The following ZPLD1 variants were observed in gnomAD, a reference collection of about 807,000 sequenced individuals.
The protein encoded by ZPLD1 is zona pellucida-like domain-containing protein 1.
A neutral mutation model predicts 47.2 loss-of-function variants in ZPLD1; 34 were observed. The ratio of observed to expected loss-of-function variants is 0.72; its 90% confidence interval spans 0.55 to 0.96. ZPLD1 has a LOEUF of 0.96. ZPLD1 is among the 40% of genes least tolerant of loss of function. The probability of loss-of-function intolerance (pLI) is 0.00; values close to 1 mark genes in which losing one functional copy is unlikely to be tolerated. For missense variants in ZPLD1, 512 were observed against 505.8 expected (o/e 1.01, Z -0.12); for synonymous variants, 176 against 186.2 (o/e 0.95, Z 0.45).
At chr3:102,471,983 T>C (rs889459645) in intron 10 of ZPLD1, among the ~76,000 whole-genome samples, 11 of 152,196 alleles carry the variant, frequency 7.2e-5, no homozygotes, top group Non-Finnish European at 1.5e-4. Context: ...TTTCGGTATC[T>C]TTTCTCCATG....
At chr3:102,413,900 C>T (rs928419634) in intron 7 of ZPLD1, among the ~76,000 whole-genome samples, 3 of 151,468 alleles carry the variant, frequency 2.0e-5, no homozygotes, top group Non-Finnish European at 3.0e-5. Flanking sequence ...AAATAAAAAC[C>T]TTGATTGCTT....
chr3:102,419,033 T>A lies in ZPLD1; in HGVS notation c.-9+826T>A, dbSNP rs149737545. 9.4e-4 allele frequency among the ~76,000 whole-genome samples: 143 copies of A among 152,176 alleles called. 1 individual carries two copies. Among genetic ancestry groups the A allele is most frequent in the African/African-American group, 3.3e-3 (136 of 41,566 alleles). On this transcript the variant is annotated intron_variant, in intron 8 of 17. Transcript: ENST00000491959. ...TTTGAGATAATAATCTTTTTGGTTT[T>A]CAGGGTTATGACATTATTCATTTTG...
At chr3:102,470,934 A>C (rs1431962796) in intron 10 of ZPLD1, among the ~76,000 whole-genome samples, 1 of 151,890 alleles carries the variant, frequency 6.6e-6, no homozygotes, top group Non-Finnish European at 1.5e-5. Context: ...GCCTGCCACC[A>C]TACCTGGCTA....
At chr3:102,435,262 A>C in intron 1 of ZPLD1, 108 bp downstream of exon 1, 2 of 1,233,128 alleles carry the variant, frequency 1.6e-6, no homozygotes, top group Non-Finnish European at 2.4e-6. Context: ...TGCCAAGACT[A>C]TAGAGATTCA....
intron 6 of ZPLD1, among the ~76,000 whole-genome samples, chr3:102,459,083 CCG>C (rs1276318331): frequency 8.4e-6 from 1 of 119,176 alleles, no homozygotes; most frequent in Non-Finnish European, 1.6e-5. Flanking sequence ...GAGCGAGACT[CCG>C]TCTCAAAAAA....
chr3:102,474,523 T>C (rs552339540), intron 10 of ZPLD1, among the ~76,000 whole-genome samples: 60 of 152,234 alleles, frequency 3.9e-4, no homozygotes, highest in Admixed American at 7.8e-4. Flanking sequence ...AACGTAACAC[T>C]GTGAAAAGTA....
chr3:102,413,354 T>C (rs1416898605), intron 7 of ZPLD1, among the ~76,000 whole-genome samples: 1 of 151,876 alleles, frequency 6.6e-6, no homozygotes, highest in Non-Finnish European at 1.5e-5. Flanking sequence ...AAGTTAATTA[T>C]TTGTGTTGGA....
At chr3:102,411,126 A>G (rs1165095499) in intron 7 of ZPLD1, among the ~76,000 whole-genome samples, 1 of 151,810 alleles carries the variant, frequency 6.6e-6, no homozygotes, top group Admixed American at 6.6e-5. Flanking sequence ...TGGGTTTTAA[A>G]TAACACGAAG....
Position 102,469,033 on chromosome 3 carries a change from A to T in ZPLD1, c.831A>T (p.Glu277Asp), listed in dbSNP as rs777470924. 2 of 1,614,164 alleles carry T rather than the reference A, an allele frequency of 1.2e-6. No individual in the cohort carries two copies. Among genetic ancestry groups the T allele is most frequent in the South Asian group, 2.2e-5 (2 of 91,084 alleles). Residue 277 changes from glutamate (E) to aspartate (D), a missense_variant, in exon 9 of 12, where the codon GAA becomes GAT. Coordinates refer to ENST00000466937, the MANE Select transcript of ZPLD1 (RefSeq NM_001329788.2). ...GRSQRGRFSFEVFRFVKHKNQ... is the reference protein window; with the variant it reads ...GRSQRGRFSFDVFRFVKHKNQ... ...GCCAGCGGGGCCGGTTTTCTTTTGAAGTGTTCCGATTTGTGAAACACAAGA... is the reference window on the plus strand; with the variant it reads ...GCCAGCGGGGCCGGTTTTCTTTTGATGTGTTCCGATTTGTGAAACACAAGA...
chr3:102,414,770 C>CAA (rs199956969), intron 7 of ZPLD1, among the ~76,000 whole-genome samples: 1 of 149,154 alleles, frequency 6.7e-6, no homozygotes, highest in Non-Finnish European at 1.5e-5. Context: ...TGAAAATACC[C>CAA]AAAAAAAACA....
At position 102,436,857 on chromosome 3, in the gene ZPLD1, T is replaced by G. The variant is rs1707098435; in HGVS notation, c.-122-3T>G. On this transcript the variant is annotated splice_region_variant and splice_polypyrimidine_tract_variant and intron_variant, in intron 1 of 11. Coordinates refer to ENST00000466937, the MANE Select transcript of ZPLD1 (RefSeq NM_001329788.2). ...TTAAATTCCTGATTCTGTAATTTCT[T>G]AGGATACACCTCTGTGTTGGGGACA... 1.0e-6 allele frequency: 1 copy of G among 983,736 alleles called. No homozygotes were observed. Among genetic ancestry groups the G allele is most frequent in the African/African-American group, 1.7e-5 (1 of 57,356 alleles). The allele number at this position is 983,736 out of a possible 1,614,324, so 60.9% of individuals were successfully genotyped here. A position where few individuals can be genotyped will look rare whatever the true frequency, so the allele number is the denominator to read the frequency against.
chr3:102,396,776 C>T (rs1231487179), intron 7 of ZPLD1, among the ~76,000 whole-genome samples: 1 of 152,152 alleles, frequency 6.6e-6, no homozygotes, highest in Non-Finnish European at 1.5e-5. Flanking sequence ...ACCAGCTATA[C>T]TGAACAGCTC....
At chr3:102,403,021 A>G (rs951904275) in intron 7 of ZPLD1, among the ~76,000 whole-genome samples, 7 of 151,908 alleles carry the variant, frequency 4.6e-5, no homozygotes, top group Admixed American at 2.0e-4. Context: ...TTCTTGTTTT[A>G]TATTTGCTTC....
Position 102,479,145 on chromosome 3 carries a change from T to C in ZPLD1, c.*1527T>C, listed in dbSNP as rs1413331922. 6.6e-6 allele frequency: 1 copy of C among 152,194 alleles called. No homozygotes were observed. The highest frequency in any genetic ancestry group is 2.4e-5 in the African/African-American group (1 of 41,456). The allele number at this position is 152,194 out of a possible 1,614,324, so 9.4% of individuals were successfully genotyped here. A position where few individuals can be genotyped will look rare whatever the true frequency, so the allele number is the denominator to read the frequency against. Reference sequence around the variant, plus strand: ...TCAACTTTTTATTTCAAGGTATAGTTGCCAAGTAAAGTGGGATCTGGAAAG... The same window carrying C: ...TCAACTTTTTATTTCAAGGTATAGTCGCCAAGTAAAGTGGGATCTGGAAAG... On this transcript the variant is annotated 3_prime_UTR_variant, in exon 12 of 12. Coordinates refer to ENST00000466937, the MANE Select transcript of ZPLD1 (RefSeq NM_001329788.2).
chr3:102,444,497 TG>T (rs1707227880), intron 3 of ZPLD1, among the ~76,000 whole-genome samples: 1 of 152,180 alleles, frequency 6.6e-6, no homozygotes, highest in South Asian at 2.1e-4. Context: ...TATAAAAACT[TG>T]GTAAGAGCAA....
At chr3:102,428,442 T>C (rs1706976085) in intron 8 of ZPLD1, among the ~76,000 whole-genome samples, 1 of 152,136 alleles carries the variant, frequency 6.6e-6, no homozygotes, top group South Asian at 2.1e-4. Context: ...TCAAATCTAG[T>C]CATTCCTCAA....
chr3:102,408,206 A>C (rs1706712906), intron 7 of ZPLD1, among the ~76,000 whole-genome samples: 1 of 151,836 alleles, frequency 6.6e-6, no homozygotes, highest in Admixed American at 6.6e-5. Context: ...GCTCACAAGC[A>C]CAAAAAACCT....
intron 7 of ZPLD1, among the ~76,000 whole-genome samples, chr3:102,415,395 T>C (rs1207187728): frequency 2.6e-5 from 4 of 151,808 alleles, no homozygotes; most frequent in Admixed American, 6.6e-5. Context: ...GATTAACTGA[T>C]TATTTCAATC....
chr3:102,391,652 G>A (rs562165951), intron 6 of ZPLD1, among the ~76,000 whole-genome samples: 246 of 152,210 alleles, frequency 1.6e-3, no homozygotes, highest in Middle Eastern at 3.4e-3. Flanking sequence ...CATCTGGGAA[G>A]TTGATTTCCA....
Sources: gnomAD v4.1 joint callset for allele counts (sites outside exome capture counted in the v4.1 genomes callset) on GRCh38, gnomAD v4.1.1 for gene constraint, MANE v1.5 for transcripts, NCBI Gene and HGNC (gene_info 2026-07-23, HGNC 2026-07-21) for gene names.